The following RECQL4 variants were observed in gnomAD, a reference collection of about 807,000 sequenced individuals.
RECQL4 encodes ATP-dependent DNA helicase Q4.
A neutral mutation model predicts 128.6 loss-of-function variants in RECQL4; 158 were observed. That is an observed-to-expected ratio of 1.23 (90% CI 1.08 to 1.40). The LOEUF is 1.40. Ranked by LOEUF, RECQL4 falls within the 40% of genes most tolerant of loss-of-function variation. The pLI, the probability that RECQL4 is intolerant of heterozygous loss-of-function variation, is 0.00. For missense variants in RECQL4, 2,293 were observed against 1,649.8 expected (o/e 1.39, Z -6.75); for synonymous variants, 996 against 678.9 (o/e 1.47, Z -7.26).
rs1827364974 is a variant in RECQL4, at chr8:144,512,191, C to T, written c.3189G>A (p.Glu1063=). The change falls in exon 18 of 21, where the codon GAG becomes GAA. Residue 1063 remains glutamate, a synonymous_variant. Transcript: ENST00000617875. ...DFLYGRVQAR[E]RQALARLRRT... ...TGCGCAGACGGGCCAGGGCCTGGCGCTCCCGGGCCTGCACACGGCCATAGA... is the reference window on the plus strand; with the variant it reads ...TGCGCAGACGGGCCAGGGCCTGGCGTTCCCGGGCCTGCACACGGCCATAGA... 1.1e-5 allele frequency: 18 copies of T among 1,612,118 alleles called. No individual in the cohort carries two copies. The highest frequency in any genetic ancestry group is 1.5e-5 in the Non-Finnish European group (18 of 1,179,670).
In RECQL4 at chr8:144,511,569, A is replaced by G. The variant is rs1176639334; in HGVS notation, c.3503-14T>C. 2 of 1,610,926 alleles carry G rather than the reference A, an allele frequency of 1.2e-6. No individual in the cohort carries two copies. Among genetic ancestry groups the G allele is most frequent in the South Asian group, 1.1e-5 (1 of 91,060 alleles). On this transcript the variant is annotated splice_polypyrimidine_tract_variant and intron_variant, in intron 20 of 20. Transcript: ENST00000617875. ...AGCAGGGGCTTCCTACGGTGGAGCCAAGACACAGCCGTGAGCCCCAGCCCC... is the reference window on the plus strand; with the variant it reads ...AGCAGGGGCTTCCTACGGTGGAGCCGAGACACAGCCGTGAGCCCCAGCCCC...
chr8:144,513,605 G>C lies in RECQL4; in HGVS notation c.2166C>G (p.Thr722=), dbSNP rs752209547. Residue 722 remains threonine, a synonymous_variant, in exon 13 of 21, where the codon ACC becomes ACG. Coordinates refer to ENST00000617875, the MANE Select transcript of RECQL4 (RefSeq NM_004260.4). The part of the protein sequence containing the change: ...DTERIAALLR[T]CLHAAWVPGS... The stretch of plus-strand genomic sequence containing the variant: ...CTGGGACCCAGGCTGCGTGCAGGCA[G>C]GTTCGGAGGAGCGCAGCGATCCGCT... 1 of 1,607,648 alleles carries C rather than the reference G, an allele frequency of 6.2e-7. No homozygotes were observed. Among genetic ancestry groups the C allele is most frequent in the African/African-American group, 1.3e-5 (1 of 74,836 alleles).
rs1342684161 is a variant in RECQL4 at position 144,517,792 on chromosome 8, G to A, written c.-8C>T. The A allele has an allele frequency of 3.3e-6, 4 of 1,219,134 alleles. 1 individual carries two copies. The highest frequency in any genetic ancestry group is 3.1e-6 in the Non-Finnish European group (3 of 975,194). The allele number at this position is 1,219,134 out of a possible 1,614,324, so 75.5% of individuals were successfully genotyped here. A position where few individuals can be genotyped will look rare whatever the true frequency, so the allele number is the denominator to read the frequency against. On this transcript the variant is annotated 5_prime_UTR_variant, in exon 1 of 21. Transcript: ENST00000617875. ...GTCCCGCAGCCGCTCCATGGCGCGC[G>A]CGCCCGCCCGGCCTCCGCGCTTGCG...
At position 144,512,132 on chromosome 8, in the gene RECQL4, C is replaced by T. The variant is rs556197862; in HGVS notation, c.3236+12G>A. The T allele has an allele frequency of 8.1e-6, 13 of 1,603,276 alleles. No homozygotes were observed. Among genetic ancestry groups the T allele is most frequent in the Non-Finnish European group, 1.1e-5 (13 of 1,174,784 alleles). ...GGTGGATGGTCCCAGGCCCCGCCCG[C>T]CTCCTCCCAACCTGTGAAAGGCCTG... is the stretch of plus-strand genomic sequence containing the variant. On this transcript the variant is annotated intron_variant, in intron 18 of 20. Transcript: ENST00000617875.
chr8:144,517,346 C>G (rs1164291600), intron 3 of RECQL4, 68 bp downstream of exon 3: 1 of 1,490,870 alleles, frequency 6.7e-7, no homozygotes, highest in Non-Finnish European at 9.0e-7. Flanking sequence ...CTGGCCGCGA[C>G]TCCGTGGCTC....
chr8:144,516,954 C>T (rs1178506447), intron 4 of RECQL4, 96 bp downstream of exon 4: 2 of 1,507,324 alleles, frequency 1.3e-6, no homozygotes, highest in Non-Finnish European at 1.8e-6. Context: ...GGCACAGGGG[C>T]CCGTGCCTGT....
chr8:144,513,047 G>A lies in RECQL4; in HGVS notation c.2555C>T (p.Ala852Val), dbSNP rs539160096. The A allele has an allele frequency of 1.4e-5, 22 of 1,579,226 alleles. No homozygotes were observed. The highest frequency in any genetic ancestry group is 5.8e-5 in the South Asian group (5 of 86,774). Residue 852 changes from alanine to valine, a missense_variant, in exon 15 of 21, where the codon GCC (alanine) becomes GTC (valine). Coordinates refer to ENST00000617875, the MANE Select transcript of RECQL4 (RefSeq NM_004260.4). ...CGGCCTGGTGCAGGTGCAGGTGCAG[G>A]CTGGGAACACGCGCTGTACCAGCCT... The part of the protein sequence containing the change: ...VKRLVQRVFP[A>V]CTCTCTRPPS...
Position 144,513,225 on chromosome 8 carries a change from T to A in RECQL4, c.2456A>T (p.Gln819Leu), listed in dbSNP as rs1467362119. 1 of 1,577,056 alleles carries A rather than the reference T, an allele frequency of 6.3e-7. No individual in the cohort carries two copies. Among genetic ancestry groups the A allele is most frequent in the South Asian group, 1.1e-5 (1 of 89,496 alleles). The change falls in exon 14 of 21, where the codon CAG (glutamine) becomes CTG (leucine). Residue 819 changes from glutamine (Q) to leucine (L), a missense_variant. Physicochemically the swap from Gln to Leu is moderately radical, Grantham distance 113. Transcript: ENST00000617875. ...GGGGGGGGGGGTGCCAACCTGGGGC[T>A]GCAGGAAGAGGTGGCAGTGGGCAGG... is the stretch of plus-strand genomic sequence containing the variant. ...GQPAHCHLFLQPQGEDLRELR... is the reference protein window; with the variant it reads ...GQPAHCHLFLLPQGEDLRELR...
chr8:144,514,064 G>A lies in RECQL4; in HGVS notation c.1922C>T (p.Thr641Ile), dbSNP rs867428284. The change falls in exon 12 of 21, where the codon ACA becomes ATA. Residue 641 changes from threonine (T) to isoleucine (I), a missense_variant. Transcript: ENST00000617875. ...RMGVHCFLGL[T>I]ATATRRTASD... ...GGCAGTGCGGCGTGTGGCTGTGGCT[G>A]TGAGGCCCAGGAAGCAGTGCACGCC... 1 of 1,588,998 alleles carries A rather than the reference G, an allele frequency of 6.3e-7. No homozygotes were observed. The highest frequency in any genetic ancestry group is 1.7e-4 in the Middle Eastern group (1 of 6,030).
In RECQL4 at chr8:144,516,715, G is replaced by T. The variant is rs748201614; in HGVS notation, c.404C>A (p.Ser135Tyr). 6.5e-7 allele frequency: 1 copy of T among 1,543,680 alleles called. No homozygotes were observed. Among genetic ancestry groups the T allele is most frequent in the Non-Finnish European group, 8.7e-7 (1 of 1,147,708 alleles). Residue 135 changes from serine to tyrosine, a missense_variant, in exon 5 of 21, where the codon TCT (serine) becomes TAT (tyrosine). Coordinates refer to ENST00000617875, the MANE Select transcript of RECQL4 (RefSeq NM_004260.4). ...RRPWPLGRAS[S>Y]KASTPKPPGT... Reference sequence around the variant, plus strand: ...TGGGGGCTTTGGGGTGGATGCCTTAGATGAGGCTCTTCCTAGAGGCCACGG... The same window carrying T: ...TGGGGGCTTTGGGGTGGATGCCTTATATGAGGCTCTTCCTAGAGGCCACGG...
Position 144,517,820 on chromosome 8 carries a change from C to A in RECQL4, c.-36G>T. ...CCCGCCCGGCCTCCGCGCTTGCGAT[C>A]GTCCAGCGAATCTCCCGCGCAGCCG... is the stretch of plus-strand genomic sequence containing the variant. On this transcript the variant is annotated 5_prime_UTR_variant, in exon 1 of 21. Transcript: ENST00000617875. The A allele has an allele frequency of 8.4e-7, 1 of 1,189,950 alleles. No individual in the cohort carries two copies. The highest frequency in any genetic ancestry group is 1.0e-6 in the Non-Finnish European group (1 of 959,926). The allele number at this position is 1,189,950 out of a possible 1,614,324, so 73.7% of individuals were successfully genotyped here.
Position 144,513,422 on chromosome 8 carries a change from C to T in RECQL4, c.2259G>A (p.Arg753=), listed in dbSNP as rs1472937433. The T allele has an allele frequency of 3.7e-6, 6 of 1,609,478 alleles. No individual in the cohort carries two copies. The highest frequency in any genetic ancestry group is 5.1e-6 in the Non-Finnish European group (6 of 1,179,776). Residue 753 remains arginine (R), a synonymous_variant, in exon 14 of 21, where the codon CGG becomes CGA. Transcript: ENST00000617875. ...GCATGAAGGCTCGCTGTACCCGCCG[C>T]CGTTCCCGGCTGCACATGCCCGCGT... ...AYHAGMCSRE[R]RRVQRAFMQG...
At position 144,512,741 on chromosome 8, in the gene RECQL4, A is replaced by G; in HGVS notation, c.2786T>C (p.Leu929Pro). ...CAGCTCCAGCCAGTGGTGTGGGTGCAGCTCCAGGTAGCACAGCAAAGTCTC... is the reference window on the plus strand; with the variant it reads ...CAGCTCCAGCCAGTGGTGTGGGTGCGGCTCCAGGTAGCACAGCAAAGTCTC... Reference protein sequence around the residue: ...AIETLLCYLELHPHHWLELLA... With the variant: ...AIETLLCYLEPHPHHWLELLA... The change falls in exon 16 of 21, where the codon CTG becomes CCG. Residue 929 changes from leucine (L) to proline (P), a missense_variant. Physicochemically the swap from Leu to Pro is moderately conservative, Grantham distance 98. Coordinates refer to ENST00000617875, the MANE Select transcript of RECQL4 (RefSeq NM_004260.4). 6.2e-7 allele frequency: 1 copy of G among 1,612,184 alleles called. No individual in the cohort carries two copies. The highest frequency in any genetic ancestry group is 1.1e-5 in the South Asian group (1 of 91,082).
In RECQL4 at chr8:144,514,076, A is replaced by C; in HGVS notation, c.1910T>G (p.Phe637Cys). ...TGTGGCTGTGGCTGTGAGGCCCAGGAAGCAGTGCACGCCCATGCGCTCCCG... is the reference window on the plus strand; with the variant it reads ...TGTGGCTGTGGCTGTGAGGCCCAGGCAGCAGTGCACGCCCATGCGCTCCCG... ...VLRERMGVHCFLGLTATATRR... is the reference protein window; with the variant it reads ...VLRERMGVHCCLGLTATATRR... The change falls in exon 12 of 21, where the codon TTC becomes TGC. Residue 637 changes from phenylalanine to cysteine, a missense_variant. Coordinates refer to ENST00000617875, the MANE Select transcript of RECQL4 (RefSeq NM_004260.4). The C allele has an allele frequency of 6.3e-7, 1 of 1,594,770 alleles. No individual in the cohort carries two copies. Among genetic ancestry groups the C allele is most frequent in the East Asian group, 2.3e-5 (1 of 43,758 alleles).
Position 144,512,082 on chromosome 8 carries a change from CT to C in RECQL4, c.3237-16del. 6.2e-7 allele frequency: 1 copy of C among 1,606,180 alleles called. No homozygotes were observed. The highest frequency in any genetic ancestry group is 8.5e-7 in the Non-Finnish European group (1 of 1,177,572). Reference sequence around the variant, plus strand: ...GGAAGGCTACGCTGTGGGGAGGAGCCTGTCAGAGCTGATCACTGCGGGAGGG... The same window carrying C: ...GGAAGGCTACGCTGTGGGGAGGAGCCGTCAGAGCTGATCACTGCGGGAGGG... On this transcript the variant is annotated splice_polypyrimidine_tract_variant and intron_variant, in intron 18 of 20. Coordinates refer to ENST00000617875, the MANE Select transcript of RECQL4 (RefSeq NM_004260.4).
rs1815134474 is a variant in RECQL4, at chr8:144,516,827, AACCT to A, written c.355-67_355-64del. On this transcript the variant is annotated intron_variant, in intron 4 of 20. Coordinates refer to ENST00000617875, the MANE Select transcript of RECQL4 (RefSeq NM_004260.4). The stretch of plus-strand genomic sequence containing the variant: ...GCCCCTGAGCTACTGTAGACTCTAA[AACCT>A]ACCTGAGTCCCCACGCTCAATTGTA... 5 of 1,463,810 alleles carry A rather than the reference AACCT, an allele frequency of 3.4e-6. No homozygotes were observed. In the East Asian group the frequency reaches 6.9e-5, roughly 20 times the overall value. 90.7% of individuals were successfully genotyped at this position (1,463,810 alleles called of 1,614,324 possible). A position where few individuals can be genotyped will look rare whatever the true frequency, so the allele number is the denominator to read the frequency against.
At position 144,515,901 on chromosome 8, in the gene RECQL4, C is replaced by G; in HGVS notation, c.1132-11G>C. ...CTTCTGCTTCCATGCCTGGGGGGTG[C>G]CCACATAGGAGGGTCACTGGGCGGG... On this transcript the variant is annotated splice_polypyrimidine_tract_variant and intron_variant, in intron 5 of 20. Transcript: ENST00000617875. The G allele has an allele frequency of 3.7e-6, 6 of 1,612,706 alleles. No individual in the cohort carries two copies. The highest frequency in any genetic ancestry group is 5.1e-6 in the Non-Finnish European group (6 of 1,179,762).
intron 8 of RECQL4, 31 bp downstream of exon 8, chr8:144,515,119 G>A (rs1372695937): frequency 6.3e-7 from 1 of 1,577,380 alleles, no homozygotes. Flanking sequence ...CCTGGCCTCA[G>A]CCCAGCCTCA....
At chr8:144,515,665 C>T (rs1828052867) in intron 6 of RECQL4, 99 bp downstream of exon 6, 6 of 1,508,796 alleles carry the variant, frequency 4.0e-6, no homozygotes, top group South Asian at 1.3e-5. Flanking sequence ...CCAGGGGTAC[C>T]TGGAAGGCCT....
Sources: gnomAD v4.1 joint callset for allele counts on GRCh38, gnomAD v4.1.1 for gene constraint, MANE v1.5 for transcripts, NCBI Gene and HGNC (gene_info 2026-07-23, HGNC 2026-07-21) for gene names.